The following DAP3 variants were observed in gnomAD, a reference collection of about 807,000 sequenced individuals.
DAP3 encodes the protein small ribosomal subunit protein mS29.
Under a neutral mutation model 51.9 loss-of-function variants are expected in DAP3, and 28 were observed. That is an observed-to-expected ratio of 0.54 (90% CI 0.40 to 0.74). The LOEUF (loss-of-function observed/expected upper bound fraction) is 0.74. Among genes scored for constraint, DAP3 ranks in the 30% least tolerant of loss-of-function variants. The pLI, the probability that DAP3 is intolerant of heterozygous loss-of-function variation, is 0.00. For missense variants in DAP3, 458 were observed against 483.5 expected (o/e 0.95, Z 0.49); for synonymous variants, 170 against 170.3 (o/e 1.00, Z 0.01).
chr1:155,697,583 G>A (rs1307657843), intron 1 of DAP3, among the ~76,000 whole-genome samples: 5 of 152,076 alleles, frequency 3.3e-5, no homozygotes, highest in South Asian at 2.1e-4. Flanking sequence ...AGGGGTGTAC[G>A]AATAGGGAGT....
intron 5 of DAP3, 31 bp from the exon 6 acceptor site, chr1:155,725,896 G>A (rs1658523779): frequency 1.9e-6 from 3 of 1,594,180 alleles, no homozygotes; most frequent in African/African-American, 2.7e-5. Context: ...GATCCTTCCA[G>A]TCATGTTTTC....
intron 3 of DAP3, 90 bp from the exon 4 acceptor site, chr1:155,721,423 TAGAC>T (rs546711161): frequency 1.7e-4 from 127 of 746,034 alleles, no homozygotes; most frequent in African/African-American, 1.2e-3. Flanking sequence ...TATATACACA[TAGAC>T]ATACATATAT....
intron 9 of DAP3, among the ~76,000 whole-genome samples, chr1:155,729,637 G>A (rs115851291): frequency 1.3e-5 from 2 of 152,162 alleles, no homozygotes; most frequent in Non-Finnish European, 2.9e-5. Flanking sequence ...AAATTAGCCG[G>A]TAGCTGGCAT....
intron 11 of DAP3, among the ~76,000 whole-genome samples, chr1:155,732,924 C>T (rs1423349045): frequency 2.6e-5 from 4 of 151,986 alleles, no homozygotes; most frequent in Admixed American, 1.3e-4. Context: ...CTCAGGAGGC[C>T]GAGGTAGGAG....
chr1:155,736,996 T>C lies in DAP3; in HGVS notation c.1044T>C (p.Tyr348=), dbSNP rs569619588. 3.3e-5 allele frequency: 54 copies of C among 1,614,156 alleles called. No individual in the cohort carries two copies. The South Asian group carries it at 5.5e-4, about 16-fold the overall frequency. Residue 348 remains tyrosine, a synonymous_variant, in exon 12 of 13, where the codon TAT becomes TAC. Transcript: ENST00000368336. ...DPFIPILVSN[Y]NPKEFESCIQ... The stretch of plus-strand genomic sequence containing the variant: ...TTATTCCCATCCTGGTTTCCAACTA[T>C]AACCCAAAGGAATTTGAAAGTTGTA...
In DAP3 at chr1:155,725,400, G is replaced by T; in HGVS notation, c.289G>T (p.Ala97Ser). ...FVMQVKTFSE[A>S]CLMVRKPALE... Reference sequence around the variant, plus strand: ...TTATCAGGTGAAGACATTCAGTGAAGCTTGCCTGATGGTAAGGAAACCAGC... The same window carrying T: ...TTATCAGGTGAAGACATTCAGTGAATCTTGCCTGATGGTAAGGAAACCAGC... The change falls in exon 5 of 13, where the codon GCT becomes TCT. Residue 97 changes from alanine (A) to serine (S), a missense_variant. Coordinates refer to ENST00000368336, the MANE Select transcript of DAP3 (RefSeq NM_004632.4). 1 of 1,614,048 alleles carries T rather than the reference G, an allele frequency of 6.2e-7. No individual in the cohort carries two copies. The highest frequency in any genetic ancestry group is 2.2e-5 in the East Asian group (1 of 44,886).
rs767212520 is a variant in DAP3, at chr1:155,738,292, G to A, written c.*50G>A. 1.9e-6 allele frequency: 3 copies of A among 1,600,092 alleles called. No homozygotes were observed. Among genetic ancestry groups the A allele is most frequent in the Admixed American group, 1.7e-5 (1 of 59,472 alleles). ...GACAGTGGACATCTGCTTTATGCTG[G>A]ACCCAGTAAGATGAGGAAGTCGGGC... On this transcript the variant is annotated 3_prime_UTR_variant, in exon 13 of 13. Transcript: ENST00000368336.
In DAP3 at chr1:155,721,588, C is replaced by G. The variant is rs570752872; in HGVS notation, c.240C>G (p.Pro80=). Residue 80 remains proline, a synonymous_variant, in exon 4 of 13, where the codon CCC becomes CCG. Transcript: ENST00000368336. ...ISPQDLETVF[P]HGLPPRFVMQ... ...CCCAGGATTTGGAGACTGTATTTCC[C>G]CATGGCCTTCCTCCTCGCTTTGTGA... 6.2e-7 allele frequency: 1 copy of G among 1,614,008 alleles called. No homozygotes were observed. The highest frequency in any genetic ancestry group is 1.6e-4 in the Middle Eastern group (1 of 6,062).
upstream of DAP3, chr1:155,688,570 C>T: frequency 6.5e-7 from 1 of 1,537,936 alleles, no homozygotes; most frequent in Non-Finnish European, 8.7e-7. Context: ...CCATCCCGTA[C>T]GCGCTCACCC....
chr1:155,731,510 A>C (rs1197420480), intron 10 of DAP3, 95 bp downstream of exon 10: 2 of 1,243,024 alleles, frequency 1.6e-6, no homozygotes, highest in Non-Finnish European at 2.3e-6. Context: ...TACAGTCTCT[A>C]ATTTTATGGA....
chr1:155,690,943 T>C (rs1653724587), intron 1 of DAP3, among the ~76,000 whole-genome samples: 1 of 141,898 alleles, frequency 7.0e-6, no homozygotes, highest in South Asian at 2.1e-4. Flanking sequence ...AGTCTCGCTC[T>C]GTCACCCAGG....
chr1:155,732,790 C>T (rs112057657), intron 11 of DAP3, among the ~76,000 whole-genome samples: 8 of 151,884 alleles, frequency 5.3e-5, no homozygotes, highest in Non-Finnish European at 1.0e-4. Flanking sequence ...TTTGGGAGGC[C>T]GAGGCAGGCG....
At chr1:155,695,126 T>G (rs1558333803) in intron 1 of DAP3, among the ~76,000 whole-genome samples, 1 of 152,238 alleles carries the variant, frequency 6.6e-6, no homozygotes, top group East Asian at 1.9e-4. Flanking sequence ...GTCTGTTGTC[T>G]GTTTTTAATT....
intron 3 of DAP3, among the ~76,000 whole-genome samples, chr1:155,720,502 G>C (rs1044577355): frequency 1.3e-5 from 2 of 151,732 alleles, no homozygotes; most frequent in Non-Finnish European, 2.9e-5. Flanking sequence ...TACAAAATTA[G>C]CCAGGCATGG....
intron 1 of DAP3, among the ~76,000 whole-genome samples, chr1:155,701,164 C>T (rs1159759071): frequency 8.8e-6 from 1 of 113,500 alleles, no homozygotes; most frequent in Non-Finnish European, 1.7e-5. Context: ...GGCCACCACC[C>T]CGTCTGGGAG....
At chr1:155,718,687 A>G (rs1657613961) in intron 3 of DAP3, among the ~76,000 whole-genome samples, 1 of 142,818 alleles carries the variant, frequency 7.0e-6, no homozygotes, top group Non-Finnish European at 1.5e-5. Flanking sequence ...CTCTGTCTCA[A>G]AAAAAAAAAA....
intron 1 of DAP3, among the ~76,000 whole-genome samples, chr1:155,706,392 C>T (rs543383942): frequency 1.3e-5 from 2 of 152,332 alleles, no homozygotes; most frequent in South Asian, 4.1e-4. Context: ...TTCACAGAGC[C>T]TGACACACAG....
chr1:155,708,117 G>A (rs1053105429), intron 1 of DAP3, among the ~76,000 whole-genome samples: 4 of 152,106 alleles, frequency 2.6e-5, no homozygotes, highest in Non-Finnish European at 4.4e-5. Flanking sequence ...GCACGATCTC[G>A]GCTCACTGCA....
At chr1:155,731,547 T>C (rs1659245727) in intron 10 of DAP3, 132 bp downstream of exon 10, 1 of 851,788 alleles carries the variant, frequency 1.2e-6, no homozygotes, top group Admixed American at 2.5e-5. Flanking sequence ...CTTATTTAAT[T>C]CCTGTATCTG....
Sources: gnomAD v4.1 joint callset for allele counts (sites outside exome capture counted in the v4.1 genomes callset) on GRCh38, gnomAD v4.1.1 for gene constraint, MANE v1.5 for transcripts, NCBI Gene and HGNC (gene_info 2026-07-23, HGNC 2026-07-21) for gene names.